FTO: variants seen among roughly 807,000 people sequenced by gnomAD.
FTO encodes FTO alpha-ketoglutarate dependent dioxygenase, also known as alpha-ketoglutarate-dependent dioxygenase FTO.
FTO carries 47 observed loss-of-function variants against 63.9 expected under a neutral mutation model. That is an observed-to-expected ratio of 0.74 (90% CI 0.58 to 0.94). The LOEUF (loss-of-function observed/expected upper bound fraction) is 0.94. Ranked by LOEUF, FTO falls within the 40% of genes least tolerant of loss-of-function variation. The pLI, the probability that FTO is intolerant of heterozygous loss-of-function variation, is 0.00. For synonymous variants in FTO, 207 were observed against 224.4 expected (o/e 0.92, Z 0.69); for missense variants, 562 against 618.1 (o/e 0.91, Z 0.96).
At chr16:53,880,929 G>A (rs576545643) in intron 6 of FTO, among the ~76,000 whole-genome samples, 32 of 105,292 alleles carry the variant, frequency 3.0e-4, no homozygotes, top group African/African-American at 1.2e-3. Context: ...GTGAAACCCC[G>A]TCTCTACTAA....
chr16:53,779,586 C>T (rs8063946), intron 1 of FTO, among the ~76,000 whole-genome samples: 24,246 of 152,134 alleles, frequency 0.16, 3,349 homozygotes, highest in East Asian at 0.49. Context: ...GCCGAAGACT[C>T]ATTTCGGGTA....
At chr16:53,926,164 C>T (rs553766064) in intron 7 of FTO, among the ~76,000 whole-genome samples, 2 of 152,280 alleles carry the variant, frequency 1.3e-5, no homozygotes, top group African/African-American at 2.4e-5. Flanking sequence ...TTTTTAGGCA[C>T]GTCCATCCAA....
intron 3 of FTO, among the ~76,000 whole-genome samples, chr16:53,837,574 G>A (rs2079336767): frequency 6.6e-6 from 1 of 151,872 alleles, no homozygotes; most frequent in South Asian, 2.1e-4. Context: ...TCATTGCTCC[G>A]TGGCTGAGAA....
At chr16:53,938,858 G>C (rs1030760910) in intron 8 of FTO, among the ~76,000 whole-genome samples, 1 of 152,020 alleles carries the variant, frequency 6.6e-6, no homozygotes, top group East Asian at 1.9e-4. Flanking sequence ...GGGAGGCCTA[G>C]ACGGGCGGAT....
chr16:53,999,583 C>T (rs1297987966), intron 8 of FTO: 1 of 152,184 alleles, frequency 6.6e-6, no homozygotes, highest in Non-Finnish European at 1.5e-5. Flanking sequence ...TGGTACTGCA[C>T]ATTTTTTGCT....
intron 8 of FTO, among the ~76,000 whole-genome samples, chr16:53,989,833 C>CCCT (rs139259532): frequency 1.4e-4 from 21 of 151,094 alleles, no homozygotes; most frequent in East Asian, 1.2e-3. Context: ...CCCCTCCACT[C>CCCT]CCTCCTCCTC....
intron 8 of FTO, among the ~76,000 whole-genome samples, chr16:54,025,683 C>A (rs1274916744): frequency 6.6e-6 from 1 of 150,446 alleles, no homozygotes; most frequent in Non-Finnish European, 1.5e-5. Flanking sequence ...CGTGCCACTG[C>A]ATTCCAACCT....
In FTO at chr16:54,080,114, T is replaced by C. The variant is rs114364834; in HGVS notation, c.1365-31648T>C. The stretch of plus-strand genomic sequence containing the variant: ...AATCATAAGAAGAGTAGGCCAGGCA[T>C]GGTGGCTCACGTCTGTAATCCCAGC... On this transcript the variant is annotated intron_variant, in intron 8 of 8. Transcript: ENST00000471389. Among the ~76,000 whole-genome samples, 742 of 152,220 alleles carry C rather than the reference T, an allele frequency of 4.9e-3. 6 individuals carry two copies. The highest frequency in any genetic ancestry group is 0.016 in the African/African-American group (677 of 41,528).
At chr16:54,054,218 C>G (rs2085377475) in intron 8 of FTO, among the ~76,000 whole-genome samples, 1 of 152,160 alleles carries the variant, frequency 6.6e-6, no homozygotes, top group Non-Finnish European at 1.5e-5. Context: ...ACAAGAGACT[C>G]CTTCCATGAA....
In FTO at chr16:54,113,213, A is replaced by T. The variant is rs1230441868; in HGVS notation, c.*1298A>T. ...ACCCCTCCGCCAGTTTTGTCTTGTG[A>T]TGCCATTAACACATCTCTCCCTTTC... On this transcript the variant is annotated 3_prime_UTR_variant, in exon 9 of 9. Transcript: ENST00000471389. 1 of 152,156 alleles carries T rather than the reference A, an allele frequency of 6.6e-6. No individual in the cohort carries two copies. The highest frequency in any genetic ancestry group is 2.4e-5 in the African/African-American group (1 of 41,396). 9.4% of individuals were successfully genotyped at this position (152,156 alleles called of 1,614,324 possible).
At chr16:53,919,273 GT>G (rs2151952690) in intron 7 of FTO, among the ~76,000 whole-genome samples, 1 of 152,250 alleles carries the variant, frequency 6.6e-6, no homozygotes, top group African/African-American at 2.4e-5. Flanking sequence ...ACCCAATAAT[GT>G]TGGCTGCTGT....
chr16:53,717,620 A>T (rs1426795903), intron 1 of FTO, among the ~76,000 whole-genome samples: 1 of 152,060 alleles, frequency 6.6e-6, no homozygotes, highest in Non-Finnish European at 1.5e-5. Context: ...TTTTAATTAG[A>T]AAAACATTTT....
At chr16:53,994,385 G>T (rs1277499635) in intron 8 of FTO, 2 of 151,964 alleles carry the variant, frequency 1.3e-5, no homozygotes, top group East Asian at 3.9e-4. Flanking sequence ...GTCTCACTCT[G>T]TTGCCCCAGG....
At chr16:53,846,061 C>T (rs1429952289) in intron 4 of FTO, among the ~76,000 whole-genome samples, 1 of 152,060 alleles carries the variant, frequency 6.6e-6, no homozygotes, top group African/African-American at 2.4e-5. Context: ...AGAGATTGTT[C>T]TTTTTTTAAG....
At chr16:53,771,459 T>C (rs992265573) in intron 1 of FTO, among the ~76,000 whole-genome samples, 6 of 151,870 alleles carry the variant, frequency 4.0e-5, no homozygotes, top group South Asian at 4.2e-4. Context: ...TTTCTTCCTA[T>C]CTAGTCTCCT....
At chr16:53,914,898 A>C (rs546508561) in intron 7 of FTO, among the ~76,000 whole-genome samples, 2 of 152,292 alleles carry the variant, frequency 1.3e-5, no homozygotes, top group South Asian at 4.1e-4. Context: ...CTTGAAGGTC[A>C]AATGCTTAAC....
chr16:53,783,752 C>T lies in FTO; in HGVS notation c.46-26388C>T, dbSNP rs934590544. ...GCAGTGAGCTGAGATCGCGCCACTG[C>T]ACTCCGGCCTGGGTGACAGAGTGAG... is the stretch of plus-strand genomic sequence containing the variant. On this transcript the variant is annotated intron_variant, in intron 1 of 8. Transcript: ENST00000471389. Among the ~76,000 whole-genome samples, 4 of 151,892 alleles carry T rather than the reference C, an allele frequency of 2.6e-5. 1 individual carries two copies. The highest frequency in any genetic ancestry group is 9.7e-5 in the African/African-American group (4 of 41,320).
At chr16:53,815,071 A>C (rs547827884) in intron 2 of FTO, among the ~76,000 whole-genome samples, 1 of 132,662 alleles carries the variant, frequency 7.5e-6, no homozygotes, top group South Asian at 2.6e-4. Flanking sequence ...TGGTGAGAGC[A>C]GGGGAGACGG....
intron 8 of FTO, among the ~76,000 whole-genome samples, chr16:54,066,548 C>T (rs1380267349): frequency 6.6e-6 from 1 of 152,214 alleles, no homozygotes; most frequent in Non-Finnish European, 1.5e-5. Flanking sequence ...GCTAGCTATT[C>T]AGACCAGGCC....
Sources: gnomAD v4.1 joint callset for allele counts (sites outside exome capture counted in the v4.1 genomes callset) on GRCh38, gnomAD v4.1.1 for gene constraint, MANE v1.5 for transcripts, NCBI Gene and HGNC (gene_info 2026-07-23, HGNC 2026-07-21) for gene names.